RAB3C: variants seen among roughly 807,000 people sequenced by gnomAD.
RAB3C encodes RAB3C, member RAS oncogene family, also known as ras-related protein Rab-3C.
Under a neutral mutation model 26.4 loss-of-function variants are expected in RAB3C, and 17 were observed. That is an observed-to-expected ratio of 0.64 (90% CI 0.44 to 0.97). RAB3C has a LOEUF of 0.97. RAB3C is among the 50% of genes least tolerant of loss of function. RAB3C has a pLI of 0.00. For missense variants in RAB3C, 242 were observed against 281.9 expected (o/e 0.86, Z 1.01); for synonymous variants, 91 against 95.9 (o/e 0.95, Z 0.30).
At chr5:58,784,256 T>A (rs1013540323) in intron 3 of RAB3C, among the ~76,000 whole-genome samples, 1 of 152,198 alleles carries the variant, frequency 6.6e-6, no homozygotes, top group Non-Finnish European at 1.5e-5. Context: ...ATGCTGCTAA[T>A]ACATACCTGA....
rs201719655 is a variant in RAB3C, at chr5:58,797,365, TATA to T, written c.372-27669_372-27667del. On this transcript the variant is annotated intron_variant, in intron 3 of 4. Transcript: ENST00000282878. ...AAAAAAAAAAAAAAATATGTATATA[TATA>T]ATATATATATATATATATATATATA... Among the ~76,000 whole-genome samples, 185 of 32,452 alleles carry T rather than the reference TATA, an allele frequency of 5.7e-3. 5 individuals carry two copies. Among genetic ancestry groups the T allele is most frequent in the Admixed American group, 0.018 (46 of 2,590 alleles). 21.3% of individuals were successfully genotyped at this position (32,452 alleles called of 152,430 possible). A position where few individuals can be genotyped will look rare whatever the true frequency, so the allele number is the denominator to read the frequency against.
intron 3 of RAB3C, among the ~76,000 whole-genome samples, chr5:58,811,831 C>T (rs962168112): frequency 1.3e-5 from 2 of 152,008 alleles, no homozygotes; most frequent in Non-Finnish European, 2.9e-5. Flanking sequence ...CTGCCATTAC[C>T]GAGCATGGTG....
chr5:58,582,530 T>A, upstream of RAB3C: 1 of 358,380 alleles, frequency 2.8e-6, no homozygotes, highest in Non-Finnish European at 3.9e-6. Flanking sequence ...TCAGTGCAAT[T>A]ATGCGGATAA....
intron 3 of RAB3C, among the ~76,000 whole-genome samples, chr5:58,769,340 G>A (rs1741978895): frequency 6.6e-6 from 1 of 152,096 alleles, no homozygotes; most frequent in African/African-American, 2.4e-5. Context: ...AAGATAGGAT[G>A]CAAGGAGTCA....
intron 2 of RAB3C, among the ~76,000 whole-genome samples, chr5:58,625,319 CT>C (rs898256469): frequency 1.1e-4 from 17 of 152,260 alleles, no homozygotes; most frequent in South Asian, 2.1e-4. Flanking sequence ...TAATTCCCCC[CT>C]GGTCACATAA....
intron 2 of RAB3C, among the ~76,000 whole-genome samples, chr5:58,676,376 G>A (rs748975496): frequency 1.3e-5 from 2 of 151,944 alleles, no homozygotes; most frequent in Non-Finnish European, 2.9e-5. Context: ...GGTGGCAGGC[G>A]CTTGTAATCC....
intron 4 of RAB3C, among the ~76,000 whole-genome samples, chr5:58,840,910 A>G (rs1199740151): frequency 6.6e-6 from 1 of 152,216 alleles, no homozygotes; most frequent in Admixed American, 6.5e-5. Context: ...CCACAGGCAC[A>G]AGCATGCAAT....
chr5:58,746,447 G>C (rs1157258675), intron 3 of RAB3C, among the ~76,000 whole-genome samples: 2 of 152,150 alleles, frequency 1.3e-5, no homozygotes, highest in Non-Finnish European at 2.9e-5. Flanking sequence ...CTAACGGAGA[G>C]GGTCTTGCAC....
chr5:58,674,152 T>C (rs796419069), intron 2 of RAB3C, among the ~76,000 whole-genome samples: 6 of 152,212 alleles, frequency 3.9e-5, no homozygotes, highest in African/African-American at 1.4e-4. Context: ...AAATGGTATA[T>C]TGAGATCAGA....
intron 3 of RAB3C, among the ~76,000 whole-genome samples, chr5:58,744,901 C>T (rs986379592): frequency 1.3e-5 from 2 of 152,062 alleles, no homozygotes; most frequent in African/African-American, 4.8e-5. Flanking sequence ...CTATTCTCTC[C>T]GATTTCAGTT....
intron 2 of RAB3C, among the ~76,000 whole-genome samples, chr5:58,700,355 C>T (rs545067283): frequency 6.6e-6 from 1 of 152,262 alleles, no homozygotes; most frequent in East Asian, 1.9e-4. Flanking sequence ...TGTTCACGTT[C>T]TGTGATGAGG....
intron 3 of RAB3C, among the ~76,000 whole-genome samples, chr5:58,780,490 C>G (rs918138985): frequency 6.6e-6 from 1 of 152,130 alleles, no homozygotes; most frequent in Non-Finnish European, 1.5e-5. Context: ...AAATATTGGT[C>G]TGGATCCTTC....
intron 2 of RAB3C, among the ~76,000 whole-genome samples, chr5:58,655,229 G>A (rs961571504): frequency 6.6e-6 from 1 of 152,138 alleles, no homozygotes; most frequent in Non-Finnish European, 1.5e-5. Flanking sequence ...CTTTAGTCAA[G>A]TTTTCTTCCT....
chr5:58,686,024 G>C lies in RAB3C; in HGVS notation c.253-39978G>C, dbSNP rs770950794. 2.0e-5 allele frequency among the ~76,000 whole-genome samples: 3 copies of C among 152,308 alleles called. No individual in the cohort carries two copies. The East Asian group carries it at 5.8e-4, about 29-fold the overall frequency. On this transcript the variant is annotated intron_variant, in intron 2 of 4. Coordinates refer to ENST00000282878, the MANE Select transcript of RAB3C (RefSeq NM_138453.4). ...CATGATTAGATATGTAATTTATGAAGATGCCTGTGGGTGAAATGTGAATTA... is the reference window on the plus strand; with the variant it reads ...CATGATTAGATATGTAATTTATGAACATGCCTGTGGGTGAAATGTGAATTA...
At chr5:58,668,244 C>T (rs1233025874) in intron 2 of RAB3C, among the ~76,000 whole-genome samples, 1 of 152,084 alleles carries the variant, frequency 6.6e-6, no homozygotes, top group Non-Finnish European at 1.5e-5. Flanking sequence ...GTGATTAGAA[C>T]ATTAAGTGGA....
chr5:58,675,125 T>G (rs1748196222), intron 2 of RAB3C, among the ~76,000 whole-genome samples: 1 of 152,098 alleles, frequency 6.6e-6, no homozygotes, highest in Non-Finnish European at 1.5e-5. Context: ...CAGGCAAGAT[T>G]TGCTGCAAGC....
chr5:58,586,848 C>T (rs1315918985), intron 1 of RAB3C, among the ~76,000 whole-genome samples: 1 of 152,142 alleles, frequency 6.6e-6, no homozygotes, highest in Admixed American at 6.5e-5. Flanking sequence ...CCATACTGTA[C>T]ACAACACCAA....
chr5:58,773,359 T>C (rs1200989485), intron 3 of RAB3C, among the ~76,000 whole-genome samples: 1 of 152,172 alleles, frequency 6.6e-6, no homozygotes, highest in Non-Finnish European at 1.5e-5. Context: ...AATAAGGGAC[T>C]GTCCTAAATG....
intron 3 of RAB3C, chr5:58,741,473 A>G (rs1397022046): frequency 6.6e-6 from 1 of 152,130 alleles, no homozygotes; most frequent in African/African-American, 2.4e-5. Flanking sequence ...AAACCATCAA[A>G]TATGCTCTAT....
Sources: gnomAD v4.1 joint callset for allele counts (sites outside exome capture counted in the v4.1 genomes callset) on GRCh38, gnomAD v4.1.1 for gene constraint, MANE v1.5 for transcripts, NCBI Gene and HGNC (gene_info 2026-07-23, HGNC 2026-07-21) for gene names.